CHTF18: variants seen among roughly 807,000 people sequenced by gnomAD.
The protein encoded by CHTF18 is chromosome transmission fidelity factor 18.
A neutral mutation model predicts 113.4 loss-of-function variants in CHTF18; 151 were observed. That is an observed-to-expected ratio of 1.33 (90% CI 1.17 to 1.52). The LOEUF is 1.52. CHTF18 is among the 40% of genes most tolerant of loss of function. The pLI is 0.00. For missense variants in CHTF18, 1,982 were observed against 1,381.6 expected, an observed-to-expected ratio of 1.43 and a Z score of -6.89; for synonymous variants, 916 against 598.8, an observed-to-expected ratio of 1.53 and a Z score of -7.74.
In CHTF18 at chr16:797,853, G is replaced by A. The variant is rs1310710215; in HGVS notation, c.2806G>A (p.Glu936Lys). 6.2e-7 allele frequency: 1 copy of A among 1,606,496 alleles called. No individual in the cohort carries two copies. The highest frequency in any genetic ancestry group is 8.5e-7 in the Non-Finnish European group (1 of 1,177,148). The change falls in exon 22 of 22, where the codon GAG (glutamate) becomes AAG (lysine). Residue 936 changes from glutamate to lysine, a missense_variant. By Grantham distance (56) the Glu-to-Lys change is moderately conservative. Transcript: ENST00000262315. ...TGGCCCCGCAGGGGACACGGCCCCG[G>A]AGCAGGACTCAGTGGAGCGGCGCAT... The part of the protein sequence containing the change: ...AVPSAGDTAP[E>K]QDSVERRMGT...
At position 795,738 on chromosome 16, in the gene CHTF18, C is replaced by T. The variant is rs1271478057; in HGVS notation, c.2229C>T (p.Gly743=). 1 of 1,608,288 alleles carries T rather than the reference C, an allele frequency of 6.2e-7. No homozygotes were observed. The highest frequency in any genetic ancestry group is 8.5e-7 in the Non-Finnish European group (1 of 1,178,562). Reference sequence around the variant, plus strand: ...ACCTGATCCAGACGCTGGTGTCCGGCATCGCGCCAGCCACGCGCAGCCGGG... The same window carrying T: ...ACCTGATCCAGACGCTGGTGTCCGGTATCGCGCCAGCCACGCGCAGCCGGG... The part of the protein sequence containing the change: ...MRNLIQTLVS[G]IAPATRSRAT... Residue 743 remains glycine (G), a synonymous_variant, in exon 17 of 22, where the codon GGC becomes GGT. Transcript: ENST00000262315.
Position 792,951 on chromosome 16 carries a change from G to T in CHTF18, c.1573-15G>T, listed in dbSNP as rs1172544706. 6.4e-7 allele frequency: 1 copy of T among 1,551,146 alleles called. No individual in the cohort carries two copies. Among genetic ancestry groups the T allele is most frequent in the Admixed American group, 1.9e-5 (1 of 51,382 alleles). ...GGGCATACCATCGGGCCCTCCAGCA[G>T]CCCTTCTCCACCAGGTCTCCCTGCG... On this transcript the variant is annotated splice_polypyrimidine_tract_variant and intron_variant, in intron 12 of 21. Coordinates refer to ENST00000262315, the MANE Select transcript of CHTF18 (RefSeq NM_022092.3).
chr16:790,392 C>G lies in CHTF18; in HGVS notation c.745C>G (p.Leu249Val), dbSNP rs776202338. The part of the protein sequence containing the change: ...LQEAQKLSDT[L>V]HSLRSGEEEA... ...GGAGGCCCAGAAGCTTTCAGACACC[C>G]TGCACAGGTGACTTGGTTGGCCCTT... Residue 249 changes from leucine to valine, a missense_variant, in exon 6 of 22, where the codon CTG (leucine) becomes GTG (valine). Leu to Val is a conservative substitution (Grantham distance 32, BLOSUM62 1). Transcript: ENST00000262315. 3 of 1,612,368 alleles carry G rather than the reference C, an allele frequency of 1.9e-6. No individual in the cohort carries two copies. Among genetic ancestry groups the G allele is most frequent in the South Asian group, 1.1e-5 (1 of 91,000 alleles).
intron 19 of CHTF18, 49 bp from the exon 20 acceptor site, chr16:796,912 C>G (rs113640052): frequency 1.3e-6 from 2 of 1,543,678 alleles, no homozygotes; most frequent in Non-Finnish European, 1.8e-6. Context: ...GTGCACCATC[C>G]CCACTGTATC....
intron 7 of CHTF18, 69 bp from the exon 8 acceptor site, chr16:791,092 G>T: frequency 6.5e-7 from 1 of 1,538,226 alleles, no homozygotes. Context: ...GGCTCATGGT[G>T]GCAGGTGGAC....
chr16:788,791 C>G lies in CHTF18; in HGVS notation c.91+16C>G. On this transcript the variant is annotated intron_variant, in intron 1 of 21. Coordinates refer to ENST00000262315, the MANE Select transcript of CHTF18 (RefSeq NM_022092.3). ...GAGCTGGAAGGTGGGGCGCGGCCCC[C>G]GGCCGTTGGGGAGGAGCTGCGAAAG... 1.3e-6 allele frequency: 2 copies of G among 1,582,890 alleles called. No homozygotes were observed. Among genetic ancestry groups the G allele is most frequent in the African/African-American group, 1.4e-5 (1 of 73,780 alleles).
intron 4 of CHTF18, 108 bp from the exon 5 acceptor site, chr16:790,069 C>A: frequency 6.5e-7 from 1 of 1,537,358 alleles, no homozygotes; most frequent in Non-Finnish European, 8.7e-7. Flanking sequence ...CCCTCACTGG[C>A]CAGCTTACTG....
Position 789,220 on chromosome 16 carries a change from C to CA in CHTF18, c.300dup (p.Arg101ThrfsTer3), listed in dbSNP as rs1567388705. The CA allele has an allele frequency of 6.4e-7, 1 of 1,551,756 alleles. No individual in the cohort carries two copies. The highest frequency in any genetic ancestry group is 1.4e-5 in the African/African-American group (1 of 73,234). ...ATGTGTCTCCCCCAGCCCCCAGGAT[C>CA]AAACGGCCTAGGCTGCAGGTGGTCA... is the stretch of plus-strand genomic sequence containing the variant. On this transcript the variant is annotated frameshift_variant, in exon 3 of 22. Coordinates refer to ENST00000262315, the MANE Select transcript of CHTF18 (RefSeq NM_022092.3). LOFTEE classifies it high-confidence loss of function.
At position 789,260 on chromosome 16, in the gene CHTF18, A is replaced by C. The variant is rs763705510; in HGVS notation, c.337A>C (p.Arg113=). The C allele has an allele frequency of 7.7e-6, 12 of 1,561,372 alleles. No individual in the cohort carries two copies. Among genetic ancestry groups the C allele is most frequent in the Non-Finnish European group, 8.7e-6 (10 of 1,153,870 alleles). The change falls in exon 3 of 22, where the codon AGA becomes CGA. Residue 113 remains arginine, a synonymous_variant. Transcript: ENST00000262315. Reference sequence around the variant, plus strand: ...GCAGGTGGTCAAGAGGCTGAACTTCAGATCGGAGGAGATGGAGGAGCCGCC... The same window carrying C: ...GCAGGTGGTCAAGAGGCTGAACTTCCGATCGGAGGAGATGGAGGAGCCGCC... ...RLQVVKRLNF[R]SEEMEEPPPP...
At position 788,981 on chromosome 16, in the gene CHTF18, C is replaced by T. The variant is rs1265933361; in HGVS notation, c.142C>T (p.Pro48Ser). ...GGTCCCCCTGTTCACCGCGGGCCGA[C>T]CCCCGCGGACGTTCGAGGAGGCCCT... The part of the protein sequence containing the change: ...SGVPLFTAGR[P>S]PRTFEEALAR... Residue 48 changes from proline (P) to serine (S), a missense_variant, in exon 2 of 22, where the codon CCC becomes TCC. By Grantham distance (74) the Pro-to-Ser change is moderately conservative. Transcript: ENST00000262315. 1.5e-5 allele frequency: 24 copies of T among 1,564,382 alleles called. No homozygotes were observed. The highest frequency in any genetic ancestry group is 1.7e-5 in the Non-Finnish European group (20 of 1,161,852).
rs767592105 is a variant in CHTF18, at chr16:795,933, C to T, written c.2326-14C>T. ...GCCTGCTCAGCTCCCTGTCTGCTGC[C>T]TCCCATCCCCTAGGTGAGCACACAG... On this transcript the variant is annotated splice_polypyrimidine_tract_variant and intron_variant, in intron 17 of 21. Coordinates refer to ENST00000262315, the MANE Select transcript of CHTF18 (RefSeq NM_022092.3). The T allele has an allele frequency of 2.8e-5, 45 of 1,603,564 alleles. No individual in the cohort carries two copies. Among genetic ancestry groups the T allele is most frequent in the South Asian group, 2.0e-4 (18 of 90,140 alleles).
chr16:794,686 C>G (rs1055607004), intron 15 of CHTF18: 1 of 226,616 alleles, frequency 4.4e-6, no homozygotes, highest in Non-Finnish European at 8.7e-6. Flanking sequence ...CCAAAAGCCG[C>G]GATGTGGAGG....
intron 14 of CHTF18, 78 bp downstream of exon 14, chr16:793,352 C>T: frequency 6.5e-7 from 1 of 1,527,782 alleles, no homozygotes. Flanking sequence ...TGCAGGCCAG[C>T]ACTACCTTCG....
chr16:794,117 G>A lies in CHTF18; in HGVS notation c.1866G>A (p.Ala622=), dbSNP rs377379965. ...CACTCCTGCTGGGTGACGGGGACGC[G>A]GGCTCCCTCACCTCCGCCTCACAGC... The part of the protein sequence containing the change: ...ADTLLLGDGD[A]GSLTSASQRF... Residue 622 remains alanine (A), a synonymous_variant, in exon 15 of 22, where the codon GCG becomes GCA. Transcript: ENST00000262315. 5 of 1,612,252 alleles carry A rather than the reference G, an allele frequency of 3.1e-6. No individual in the cohort carries two copies. The African/African-American group carries it at 4.0e-5, about 13-fold the overall frequency.
rs771205609 is a variant in CHTF18 at position 794,169 on chromosome 16, G to A, written c.1918G>A (p.Ala640Thr). 7 of 1,612,264 alleles carry A rather than the reference G, an allele frequency of 4.3e-6. No individual in the cohort carries two copies. The East Asian group carries it at 1.6e-4, about 36-fold the overall frequency. ...ATTCTACCGTGTCCTGCATGCCGCT[G>A]CCTCTGCGGGCGAGCACGAGAAGGT... Reference protein sequence around the residue: ...QRFYRVLHAAASAGEHEKVVQ... With the variant: ...QRFYRVLHAATSAGEHEKVVQ... The change falls in exon 15 of 22, where the codon GCC becomes ACC. Residue 640 changes from alanine to threonine, a missense_variant. Ala to Thr is a moderately conservative substitution (Grantham distance 58, BLOSUM62 0). Coordinates refer to ENST00000262315, the MANE Select transcript of CHTF18 (RefSeq NM_022092.3).
Position 791,196 on chromosome 16 carries a change from G to T in CHTF18, c.930G>T (p.Leu310Phe). The change falls in exon 8 of 22, where the codon TTG (leucine) becomes TTT (phenylalanine). Residue 310 changes from leucine (L) to phenylalanine (F), a missense_variant. By Grantham distance (22) the Leu-to-Phe change is conservative. Transcript: ENST00000262315. ...GCTGCCTGCTCAAGTGGCTGAAGTT[G>T]TGGGACCTGGTGGTGTTTGGCCACG... ...TNRCLLKWLKLWDLVVFGHER... is the reference protein window; with the variant it reads ...TNRCLLKWLKFWDLVVFGHER... The T allele has an allele frequency of 6.2e-7, 1 of 1,611,640 alleles. No individual in the cohort carries two copies. The highest frequency in any genetic ancestry group is 2.2e-5 in the East Asian group (1 of 44,852).
chr16:790,954 G>A lies in CHTF18; in HGVS notation c.895-207G>A. Reference sequence around the variant, plus strand: ...ACTGGAGTGCCCCTGGGGAGGGCAGGGGCCTCCCAGATGGGTTGTGGCCAG... The same window carrying A: ...ACTGGAGTGCCCCTGGGGAGGGCAGAGGCCTCCCAGATGGGTTGTGGCCAG... On this transcript the variant is annotated intron_variant, in intron 7 of 21. Transcript: ENST00000262315. 3.5e-6 allele frequency: 5 copies of A among 1,435,378 alleles called. No individual in the cohort carries two copies. The South Asian group carries it at 4.5e-5, about 13-fold the overall frequency. The allele number at this position is 1,435,378 out of a possible 1,614,324, so 88.9% of individuals were successfully genotyped here.
rs188666865 is a variant in CHTF18 at position 791,157 on chromosome 16, G to A, written c.895-4G>A. On this transcript the variant is annotated splice_region_variant and splice_polypyrimidine_tract_variant and intron_variant, in intron 7 of 21. Coordinates refer to ENST00000262315, the MANE Select transcript of CHTF18 (RefSeq NM_022092.3). The stretch of plus-strand genomic sequence containing the variant: ...CTGTGCTTCCCTTCCCGTCCTTCCC[G>A]CAGTTCACCAACCGCTGCCTGCTCA... 43 of 1,607,856 alleles carry A rather than the reference G, an allele frequency of 2.7e-5. No individual in the cohort carries two copies. The highest frequency in any genetic ancestry group is 1.2e-4 in the African/African-American group (9 of 74,878).
intron 8 of CHTF18, 143 bp from the exon 9 acceptor site, chr16:791,708 C>T (rs1178904643): frequency 7.7e-6 from 11 of 1,435,770 alleles, no homozygotes; most frequent in Non-Finnish European, 1.0e-5. Context: ...TGTGAAAGTG[C>T]TCAATTTTGT....
Sources: gnomAD v4.1 joint callset for allele counts on GRCh38, gnomAD v4.1.1 for gene constraint, MANE v1.5 for transcripts, NCBI Gene and HGNC (gene_info 2026-07-23, HGNC 2026-07-21) for gene names.